The following COL4A4 variants were observed in gnomAD, a reference collection of about 807,000 sequenced individuals.
The protein encoded by COL4A4 is collagen type IV alpha 4 chain.
Under a neutral mutation model 192.9 loss-of-function variants are expected in COL4A4, and 105 were observed. The ratio of observed to expected loss-of-function variants is 0.54; its 90% confidence interval spans 0.46 to 0.64. COL4A4 has a LOEUF of 0.64. Ranked by LOEUF, COL4A4 falls within the 30% of genes least tolerant of loss-of-function variation. The pLI is 0.00. For synonymous variants in COL4A4, 762 were observed against 769.9 expected (o/e 0.99, Z 0.17); for missense variants, 1,967 against 2,169.3 (o/e 0.91, Z 1.85).
chr2:227,013,391 T>G (rs998055200), intron 44 of COL4A4, among the ~76,000 whole-genome samples: 1 of 152,144 alleles, frequency 6.6e-6, no homozygotes, highest in Non-Finnish European at 1.5e-5. Context: ...GTGACTGTAT[T>G]TGGAGATAAG....
intron 44 of COL4A4, among the ~76,000 whole-genome samples, chr2:227,016,683 CCTT>C (rs1032072646): frequency 5.9e-5 from 9 of 152,128 alleles, no homozygotes; most frequent in East Asian, 1.9e-4. Context: ...GAGAGTGTCC[CCTT>C]CTTCTTACAT....
intron 25 of COL4A4, among the ~76,000 whole-genome samples, chr2:227,071,158 G>C (rs535381192): frequency 1.3e-5 from 2 of 152,114 alleles, no homozygotes; most frequent in East Asian, 3.9e-4. Context: ...GTCTTTAAGA[G>C]GCTAACACAG....
chr2:227,101,785 A>C, intron 16 of COL4A4, 80 bp downstream of exon 16: 1 of 1,203,622 alleles, frequency 8.3e-7, no homozygotes. Context: ...GTTTGCACGC[A>C]ACAGTACAAC....
At chr2:227,041,842 A>AGAGAG (rs1559477918) in intron 37 of COL4A4, among the ~76,000 whole-genome samples, 1 of 62,760 alleles carries the variant, frequency 1.6e-5, no homozygotes, top group African/African-American at 8.6e-5. Context: ...GAAAGAAAGA[A>AGAGAG]AGAAAGAGAA....
intron 25 of COL4A4, among the ~76,000 whole-genome samples, chr2:227,065,145 G>T (rs956052691): frequency 3.8e-4 from 58 of 152,280 alleles, no homozygotes; most frequent in African/African-American, 1.2e-3. Context: ...CTGGAAAATC[G>T]GGCCACTCCC....
At chr2:227,028,191 C>T (rs1245877700) in intron 41 of COL4A4, among the ~76,000 whole-genome samples, 182 bp from the exon 42 acceptor site, 2 of 152,164 alleles carry the variant, frequency 1.3e-5, no homozygotes, top group East Asian at 1.9e-4. Flanking sequence ...CTGAAGGAAA[C>T]ACATGATCGG....
At chr2:227,073,193 TAA>T (rs1445859382) in intron 25 of COL4A4, among the ~76,000 whole-genome samples, 4 of 152,000 alleles carry the variant, frequency 2.6e-5, no homozygotes, top group Non-Finnish European at 4.4e-5. Flanking sequence ...ACAAATTCAG[TAA>T]AGTCTCAGGT....
chr2:227,113,162 T>C (rs1274421051), intron 8 of COL4A4, among the ~76,000 whole-genome samples: 2 of 152,234 alleles, frequency 1.3e-5, no homozygotes, highest in Non-Finnish European at 2.9e-5. Flanking sequence ...GGTTGCACCA[T>C]TGTCCATTCC....
chr2:227,085,621 C>T (rs986962317), intron 22 of COL4A4, among the ~76,000 whole-genome samples: 1 of 152,118 alleles, frequency 6.6e-6, no homozygotes, highest in African/African-American at 2.4e-5. Context: ...CAGTGTATCA[C>T]ATGGTGAGAG....
intron 22 of COL4A4, among the ~76,000 whole-genome samples, chr2:227,088,037 C>T (rs1036740621): frequency 6.6e-6 from 1 of 152,220 alleles, no homozygotes; most frequent in East Asian, 1.9e-4. Flanking sequence ...CTGGTCCCTG[C>T]TGTATCCCCA....
chr2:227,079,847 A>G (rs540713643), intron 24 of COL4A4, among the ~76,000 whole-genome samples: 12 of 152,338 alleles, frequency 7.9e-5, no homozygotes, highest in Admixed American at 7.2e-4. Context: ...CATATTTAAG[A>G]TATTTTAAGT....
At position 227,045,921 on chromosome 2, in the gene COL4A4, G is replaced by GTATATGTA. The variant is rs761891415; in HGVS notation, c.3289+1546_3289+1553dup. ...AGATAGTATATATATGTATGTATATGTATATGTATATATGTATATATGTAT... is the reference window on the plus strand; with the variant it reads ...AGATAGTATATATATGTATGTATATGTATATGTATATATGTATATATGTATATATGTAT... On this transcript the variant is annotated intron_variant, in intron 35 of 47. Transcript: ENST00000396625. Among the ~76,000 whole-genome samples, 343 of 61,692 alleles carry GTATATGTA rather than the reference G, an allele frequency of 5.6e-3. 60 individuals carry two copies. The highest frequency in any genetic ancestry group is 0.02 in the African/African-American group (259 of 12,680). 40.5% of individuals were successfully genotyped at this position (61,692 alleles called of 152,430 possible).
At chr2:227,062,244 A>G (rs1190785128) in intron 26 of COL4A4, among the ~76,000 whole-genome samples, 2 of 152,154 alleles carry the variant, frequency 1.3e-5, no homozygotes, top group African/African-American at 2.4e-5. Flanking sequence ...CTCAAAAAAA[A>G]AAAAAAAACT....
At chr2:227,153,728 G>A (rs751843924) in intron 1 of COL4A4, among the ~76,000 whole-genome samples, 4 of 152,194 alleles carry the variant, frequency 2.6e-5, no homozygotes, top group Non-Finnish European at 4.4e-5. Context: ...TTAGATGGCT[G>A]AGGCAGGCCA....
At chr2:227,128,508 G>A (rs2062222571) in intron 4 of COL4A4, among the ~76,000 whole-genome samples, 1 of 151,922 alleles carries the variant, frequency 6.6e-6, no homozygotes, top group South Asian at 2.1e-4. Context: ...TCACACATTG[G>A]GTCAAAGCTG....
At chr2:227,024,010 A>AC (rs1210538366) in intron 43 of COL4A4, among the ~76,000 whole-genome samples, 1 of 150,990 alleles carries the variant, frequency 6.6e-6, no homozygotes, top group Non-Finnish European at 1.5e-5. Flanking sequence ...GTCTCAAAAA[A>AC]AAAAAACAAA....
At chr2:227,061,455 C>G (rs936456430) in intron 26 of COL4A4, among the ~76,000 whole-genome samples, 19 of 152,166 alleles carry the variant, frequency 1.2e-4, no homozygotes, top group Admixed American at 1.2e-3. Context: ...ATGAGAAAAG[C>G]CTGGCCTTGC....
intron 25 of COL4A4, among the ~76,000 whole-genome samples, chr2:227,072,321 G>A (rs1442894797): frequency 6.6e-6 from 1 of 151,624 alleles, no homozygotes; most frequent in Non-Finnish European, 1.5e-5. Context: ...ACAAATTCCT[G>A]GAAACATAAA....
intron 44 of COL4A4, among the ~76,000 whole-genome samples, chr2:227,016,187 A>C (rs1455309900): frequency 6.6e-6 from 1 of 151,984 alleles, no homozygotes; most frequent in Non-Finnish European, 1.5e-5. Context: ...GCTGCTTAAC[A>C]TCCTAGAATC....
Sources: gnomAD v4.1 joint callset for allele counts (sites outside exome capture counted in the v4.1 genomes callset) on GRCh38, gnomAD v4.1.1 for gene constraint, MANE v1.5 for transcripts, NCBI Gene and HGNC (gene_info 2026-07-23, HGNC 2026-07-21) for gene names.